The following COL4A6 variants were observed in gnomAD, a reference collection of about 807,000 sequenced individuals.
COL4A6 encodes the protein collagen alpha-6(IV) chain.
COL4A6 carries 59 observed loss-of-function variants against 126.7 expected under a neutral mutation model. The observed-to-expected ratio is 0.47, with a 90% CI of 0.38 to 0.58. The LOEUF is 0.58. Ranked by LOEUF, COL4A6 falls within the 20% of genes least tolerant of loss-of-function variation. COL4A6 has a pLI of 0.00. For synonymous variants in COL4A6, 547 were observed against 496.6 expected, an observed-to-expected ratio of 1.10 and a Z score of -1.35; for missense variants, 1,285 against 1,337.3, an observed-to-expected ratio of 0.96 and a Z score of 0.61.
rs201524889 is a variant in COL4A6, at chrX:108,160,638, T to C, written c.4350A>G (p.Gln1450=). 11 of 1,205,944 alleles carry C rather than the reference T, an allele frequency of 9.1e-6. No homozygotes were observed. The African/African-American group carries it at 1.7e-4, about 19-fold the overall frequency. Reference sequence around the variant, plus strand: ...GCATTCCAGGCATCCCGAAGGGGCCTTGCTGCCCTGGAGCTCCTGAGAGAG... The same window carrying C: ...GCATTCCAGGCATCCCGAAGGGGCCCTGCTGCCCTGGAGCTCCTGAGAGAG... The part of the protein sequence containing the change: ...PPGFEGAPGQ[Q]GPFGMPGMPG... Residue 1450 remains glutamine (Q), a synonymous_variant, in exon 43 of 45, where the codon CAA becomes CAG. Transcript: ENST00000334504.
chrX:108,290,717 T>C (rs934138341), intron 3 of COL4A6, among the ~76,000 whole-genome samples: 10 of 112,336 alleles, frequency 8.9e-5, no homozygotes, highest in African/African-American at 3.2e-4. Context: ...GTCTTTGTCA[T>C]AATCTGGTGA....
chrX:108,405,195 G>A (rs772484490), intron 2 of COL4A6, among the ~76,000 whole-genome samples: 1 of 108,656 alleles, frequency 9.2e-6, no homozygotes, highest in Admixed American at 9.9e-5. Context: ...TTTTGTTTTT[G>A]TTTTTGTTTT....
chrX:108,434,247 T>C (rs1008506819), intron 2 of COL4A6, among the ~76,000 whole-genome samples: 3 of 111,974 alleles, frequency 2.7e-5, no homozygotes, highest in Non-Finnish European at 5.6e-5. Context: ...TTTCATGCCA[T>C]AGTTTGGCAG....
Position 108,180,608 on chromosome X carries a change from G to A in COL4A6, c.2038C>T (p.Arg680Ter). Residue 680 changes from arginine to a stop codon, truncating the protein, a stop_gained, in exon 25 of 45, where the codon CGA becomes TGA. Transcript: ENST00000334504. LOFTEE classifies it high-confidence loss of function. ...TPGFPGPKGS[R>*]GLPGTPGQPG... ...TGGCCTGGGGTCCCAGGGAGGCCTC[G>A]AGACCCTTTAGGGCCTGAAAACCCA... 1.7e-6 allele frequency: 2 copies of A among 1,194,574 alleles called. No homozygotes were observed. The highest frequency in any genetic ancestry group is 2.2e-6 in the Non-Finnish European group (2 of 889,387).
intron 3 of COL4A6, among the ~76,000 whole-genome samples, chrX:108,236,280 T>G (rs1355331479): frequency 9.0e-6 from 1 of 111,160 alleles, no homozygotes; most frequent in East Asian, 2.8e-4. Context: ...CAAAGGCAGG[T>G]ATCTTTGTTA....
At chrX:108,381,837 G>T (rs2040563370) in intron 2 of COL4A6, among the ~76,000 whole-genome samples, 1 of 111,469 alleles carries the variant, frequency 9.0e-6, no homozygotes, top group Admixed American at 9.5e-5. Context: ...TGCAACTGAT[G>T]ATATTGGTAT....
At chrX:108,171,040 A>G (rs1372934749) in intron 33 of COL4A6, 123 bp from the exon 34 acceptor site, 1 of 615,816 alleles carries the variant, frequency 1.6e-6, no homozygotes, top group Non-Finnish European at 2.5e-6. Context: ...TCTAAAAAAG[A>G]TAGTGGTGGC....
intron 2 of COL4A6, among the ~76,000 whole-genome samples, chrX:108,395,326 A>G (rs1180588900): frequency 2.7e-5 from 3 of 111,938 alleles, no homozygotes; most frequent in Non-Finnish European, 5.6e-5. Flanking sequence ...TATCAGTTTG[A>G]GGGTTTATAG....
chrX:108,265,273 A>G (rs752126803), intron 3 of COL4A6, among the ~76,000 whole-genome samples: 1 of 111,185 alleles, frequency 9.0e-6, no homozygotes, highest in African/African-American at 3.3e-5. Context: ...GATCTAAAGA[A>G]TCATAATTGG....
intron 3 of COL4A6, among the ~76,000 whole-genome samples, chrX:108,305,080 A>C (rs1284512009): frequency 8.9e-6 from 1 of 111,926 alleles, no homozygotes; most frequent in African/African-American, 3.3e-5. Flanking sequence ...AGAGCAGACA[A>C]GTGAAGAGAA....
At chrX:108,287,290 G>T (rs12558204) in intron 3 of COL4A6, among the ~76,000 whole-genome samples, 1 of 111,913 alleles carries the variant, frequency 8.9e-6, no homozygotes, top group East Asian at 2.8e-4. Flanking sequence ...TTTCTCATTA[G>T]GAGTCCTATT....
At chrX:108,200,589 G>A (rs1018048619) in intron 13 of COL4A6, among the ~76,000 whole-genome samples, 3 of 111,932 alleles carry the variant, frequency 2.7e-5, no homozygotes, top group Non-Finnish European at 5.6e-5. Flanking sequence ...ACCAGTGGCT[G>A]GAAATGGTGT....
intron 24 of COL4A6, 23 bp downstream of exon 24, chrX:108,180,874 C>G (rs372422430): frequency 3.4e-6 from 4 of 1,193,393 alleles, no homozygotes; most frequent in African/African-American, 1.8e-5. Context: ...TGTTTAGTGG[C>G]TTTCTCTGGC....
intron 26 of COL4A6, 62 bp downstream of exon 26, chrX:108,179,155 A>C: frequency 6.2e-6 from 6 of 974,642 alleles, no homozygotes; most frequent in Non-Finnish European, 8.7e-6. Context: ...TATTCATGGA[A>C]GTATACGAAT....
Position 108,288,597 on chromosome X carries a change from T to C in COL4A6, c.144+22151A>G, listed in dbSNP as rs747931865. ...TAGATAAGGTCCCTTGTCATGTGAATAGTTCATGAATTTGGCTAAGAAGCT... is the reference window on the plus strand; with the variant it reads ...TAGATAAGGTCCCTTGTCATGTGAACAGTTCATGAATTTGGCTAAGAAGCT... On this transcript the variant is annotated intron_variant, in intron 3 of 44. Transcript: ENST00000334504. Among the ~76,000 whole-genome samples the C allele has an allele frequency of 5.4e-5, 6 of 111,515 alleles. No individual in the cohort carries two copies. In the East Asian group the frequency reaches 1.4e-3, roughly 26 times the overall value.
intron 2 of COL4A6, among the ~76,000 whole-genome samples, chrX:108,352,628 A>G (rs771988116): frequency 8.9e-6 from 1 of 112,632 alleles, no homozygotes; most frequent in South Asian, 3.7e-4. Flanking sequence ...AAACCTATAC[A>G]CATCTATGGA....
At chrX:108,206,636 T>G (rs1483474522) in intron 8 of COL4A6, 56 bp from the exon 9 acceptor site, 4 of 980,609 alleles carry the variant, frequency 4.1e-6, no homozygotes, top group Non-Finnish European at 5.8e-6. Context: ...CCAAGAAAAA[T>G]GAAAATATGT....
intron 2 of COL4A6, among the ~76,000 whole-genome samples, chrX:108,399,735 T>C (rs1263178958): frequency 8.9e-6 from 1 of 111,880 alleles, no homozygotes; most frequent in Admixed American, 9.5e-5. Context: ...TTTTGAAAGT[T>C]TGATAATGCA....
chrX:108,160,727 A>G (rs1053457165), intron 42 of COL4A6, 73 bp from the exon 43 acceptor site: 5 of 960,764 alleles, frequency 5.2e-6, no homozygotes, highest in Non-Finnish European at 7.1e-6. Flanking sequence ...ATTGTACCAC[A>G]CATTGTCCAA....
Sources: allele counts gnomAD v4.1 joint callset (sites outside exome capture counted in the v4.1 genomes callset), GRCh38; gene constraint gnomAD v4.1.1; transcripts MANE v1.5; gene names NCBI Gene and HGNC (gene_info 2026-07-23, HGNC 2026-07-21).